NFATC1: variants seen among roughly 807,000 people sequenced by gnomAD.
The protein encoded by NFATC1 is nuclear factor of activated T-cells, cytoplasmic 1.
NFATC1 carries 22 observed loss-of-function variants against 76.0 expected under a neutral mutation model. The observed-to-expected ratio is 0.29, with a 90% CI of 0.21 to 0.41. The LOEUF (loss-of-function observed/expected upper bound fraction) is 0.41. Among genes scored for constraint, NFATC1 ranks in the 10% least tolerant of loss-of-function variants. The pLI is 1.00. For synonymous variants in NFATC1, 704 were observed against 613.1 expected (o/e 1.15, Z -2.19); for missense variants, 1,357 against 1,337.7 (o/e 1.01, Z -0.23).
intron 6 of NFATC1, among the ~76,000 whole-genome samples, chr18:79,453,111 C>T (rs892511910): frequency 7.2e-5 from 11 of 152,188 alleles, no homozygotes; most frequent in Non-Finnish European, 1.5e-4. Flanking sequence ...CGTGCCTTCT[C>T]GGGAGGAGGC....
intron 9 of NFATC1, among the ~76,000 whole-genome samples, chr18:79,500,714 A>C (rs139596879): frequency 5.1e-4 from 77 of 152,322 alleles, no homozygotes; most frequent in Non-Finnish European, 9.3e-4. Context: ...ATAAGGGAAT[A>C]CTATAACCTT....
chr18:79,487,003 C>T, intron 9 of NFATC1, 66 bp downstream of exon 9: 1 of 1,494,758 alleles, frequency 6.7e-7, no homozygotes, highest in South Asian at 1.3e-5. Context: ...CATGGAGGGG[C>T]CGTGTGCGTG....
Position 79,524,215 on chromosome 18 carries a change from A to G in NFATC1, c.2783-3313A>G, listed in dbSNP as rs1276580190. Among the ~76,000 whole-genome samples the G allele has an allele frequency of 1.3e-5, 2 of 152,152 alleles. No individual in the cohort carries two copies. The highest frequency in any genetic ancestry group is 4.8e-5 in the African/African-American group (2 of 41,438). On this transcript the variant is annotated intron_variant, in intron 9 of 9. Coordinates refer to ENST00000427363, the MANE Select transcript of NFATC1 (RefSeq NM_001278669.2). This position sits in a 1 kb window ranked among gnomAD's most constrained non-coding sequence, Gnocchi z 7.2. ...TTTCAGCCCAGCGCCAGCGAGCCAC[A>G]TGGCCTCAGACCAACCCCAGGATGG...
At position 79,465,331 on chromosome 18, in the gene NFATC1, TA is replaced by T. The variant is rs2088421288; in HGVS notation, c.1960-2118del. 6.6e-6 allele frequency among the ~76,000 whole-genome samples: 1 copy of T among 152,146 alleles called. No individual in the cohort carries two copies. Among genetic ancestry groups the T allele is most frequent in the Non-Finnish European group, 1.5e-5 (1 of 68,014 alleles). On this transcript the variant is annotated intron_variant, in intron 7 of 9. Coordinates refer to ENST00000427363, the MANE Select transcript of NFATC1 (RefSeq NM_001278669.2). The surrounding 1 kb of genome is among the most constrained non-coding windows in gnomAD (Gnocchi z 4.2). ...ATCAACATAGGCCCTTCCAGTCAGG[TA>T]GGACTTAGGAAAACTGGCATGCACC...
intron 9 of NFATC1, among the ~76,000 whole-genome samples, chr18:79,511,553 A>G (rs1360880099): frequency 6.6e-6 from 1 of 152,052 alleles, no homozygotes; most frequent in African/African-American, 2.4e-5. Context: ...CCGTGGAGGG[A>G]AGCCTCGCCG....
In NFATC1 at chr18:79,465,032, G is replaced by A. The variant is rs976831948; in HGVS notation, c.1960-2418G>A. Among the ~76,000 whole-genome samples the A allele has an allele frequency of 1.3e-5, 2 of 152,042 alleles. No individual in the cohort carries two copies. Among genetic ancestry groups the A allele is most frequent in the East Asian group, 1.9e-4 (1 of 5,144 alleles). ...GCATATTTTGTGAACAAAATGGGAT[G>A]TGCTGTGTCTACGGTTTTTGTACTT... On this transcript the variant is annotated intron_variant, in intron 7 of 9. Transcript: ENST00000427363. This position sits in a 1 kb window ranked among gnomAD's most constrained non-coding sequence, Gnocchi z 4.2.
intron 6 of NFATC1, among the ~76,000 whole-genome samples, chr18:79,454,269 C>T (rs756759212): frequency 6.6e-6 from 1 of 152,194 alleles, no homozygotes; most frequent in Non-Finnish European, 1.5e-5. Context: ...AGGCCAGGGT[C>T]GGCTCCACCC....
chr18:79,470,728 G>C (rs2088750802), intron 8 of NFATC1: 1 of 152,248 alleles, frequency 6.6e-6, no homozygotes, highest in African/African-American at 2.4e-5. Flanking sequence ...CGCAGCCCCT[G>C]TCCCGGCCCC....
intron 1 of NFATC1, among the ~76,000 whole-genome samples, chr18:79,405,505 G>T (rs1295382001): frequency 6.6e-6 from 1 of 152,238 alleles, no homozygotes; most frequent in African/African-American, 2.4e-5. Flanking sequence ...GTTTAGGTGG[G>T]TCATGAAACC....
intron 2 of NFATC1, among the ~76,000 whole-genome samples, chr18:79,416,193 C>G (rs980873787): frequency 6.6e-6 from 1 of 152,254 alleles, no homozygotes; most frequent in East Asian, 1.9e-4. Flanking sequence ...AACGTTCACT[C>G]TCTTGTGTTT....
intron 8 of NFATC1, chr18:79,469,779 T>A (rs2088698627): frequency 4.1e-6 from 4 of 985,316 alleles, no homozygotes; most frequent in Non-Finnish European, 4.8e-6. Context: ...AGTCCCTGGG[T>A]GACCATCCCA....
intron 2 of NFATC1, among the ~76,000 whole-genome samples, chr18:79,427,765 G>A (rs1428417610): frequency 2.0e-5 from 1 of 49,470 alleles, no homozygotes; most frequent in Non-Finnish European, 3.8e-5. Flanking sequence ...GGTGCTGGAC[G>A]GCTGGTCTTT....
chr18:79,405,615 C>T (rs555406862), intron 1 of NFATC1, among the ~76,000 whole-genome samples: 1 of 152,232 alleles, frequency 6.6e-6, no homozygotes, highest in Non-Finnish European at 1.5e-5. Context: ...CACACCTTGC[C>T]CTTCTTCTAG....
In NFATC1 at chr18:79,423,490, C is replaced by T. The variant is rs561259607; in HGVS notation, c.1227-10089C>T. On this transcript the variant is annotated intron_variant, in intron 2 of 9. Transcript: ENST00000427363. ...CAGCCTTGGGGAGGACAGATGGGGA[C>T]AGCAGATCCTGCCCCAGGGTCATTG... 9.3e-4 allele frequency among the ~76,000 whole-genome samples: 141 copies of T among 152,344 alleles called. 1 individual carries two copies. The highest frequency in any genetic ancestry group is 3.2e-3 in the African/African-American group (132 of 41,574).
In NFATC1 at chr18:79,480,676, G is replaced by T. The variant is rs1445384114; in HGVS notation, c.2093-5572G>T. On this transcript the variant is annotated intron_variant, in intron 8 of 9. Coordinates refer to ENST00000427363, the MANE Select transcript of NFATC1 (RefSeq NM_001278669.2). Reference sequence around the variant, plus strand: ...CGTTCTCCAGCCAGCAGCAGCAGACGCCACCCGGTTGCCCCAGCCCCAGCG... The same window carrying T: ...CGTTCTCCAGCCAGCAGCAGCAGACTCCACCCGGTTGCCCCAGCCCCAGCG... Among the ~76,000 whole-genome samples, 3 of 152,296 alleles carry T rather than the reference G, an allele frequency of 2.0e-5. No individual in the cohort carries two copies. In the East Asian group the frequency reaches 5.8e-4, roughly 29 times the overall value.
intron 2 of NFATC1, among the ~76,000 whole-genome samples, chr18:79,422,940 C>T (rs1295750166): frequency 2.1e-5 from 3 of 144,970 alleles, no homozygotes; most frequent in South Asian, 4.5e-4. Context: ...GCCTCGGGGG[C>T]GGGGGTTCAG....
intron 2 of NFATC1, among the ~76,000 whole-genome samples, chr18:79,411,896 G>A (rs1035236745): frequency 6.6e-6 from 1 of 152,190 alleles, no homozygotes; most frequent in Non-Finnish European, 1.5e-5. Flanking sequence ...GCTCACACAC[G>A]CGCAGTTTCT....
intron 1 of NFATC1, among the ~76,000 whole-genome samples, chr18:79,399,190 C>T (rs529839140): frequency 3.5e-4 from 54 of 152,386 alleles, no homozygotes; most frequent in South Asian, 3.5e-3. Context: ...AACGCTCCAA[C>T]ATCCATCCCA....
rs767978252 is a variant in NFATC1, at chr18:79,411,092, C to T, written c.817C>T (p.Arg273Trp). 1.7e-5 allele frequency: 27 copies of T among 1,611,964 alleles called. No homozygotes were observed. Among genetic ancestry groups the T allele is most frequent in the Non-Finnish European group, 2.0e-5 (24 of 1,179,566 alleles). ...CNKRKYSLNG[R>W]QPPYSPHHSP... is the part of the protein sequence containing the mutation. ...CAAGAGGAAGTACAGCCTCAACGGC[C>T]GGCAGCCGCCCTACTCACCCCACCA... is the stretch of plus-strand genomic sequence containing the variant. Residue 273 changes from arginine (R) to tryptophan (W), a missense_variant, in exon 2 of 10, where the codon CGG becomes TGG. By Grantham distance (101) the Arg-to-Trp change is moderately radical. This residue lies in a region of NFATC1 where 691 missense variants were observed against 613.1 expected (regional missense o/e 1.13). Transcript: ENST00000427363.
Sources: gnomAD v4.1 joint callset for allele counts (sites outside exome capture counted in the v4.1 genomes callset) on GRCh38, gnomAD v4.1.1 for gene constraint, gnomAD v4.1.1 regional missense constraint, Gnocchi (gnomAD v3.1) non-coding constraint, MANE v1.5 for transcripts, NCBI Gene and HGNC (gene_info 2026-07-23, HGNC 2026-07-21) for gene names.